The following ADGRE1 variants were observed in gnomAD, a reference collection of about 807,000 sequenced individuals.
ADGRE1 encodes the protein adhesion G protein-coupled receptor E1.
In ADGRE1, 82 loss-of-function variants were observed where a neutral mutation model predicts 102.7. The ratio of observed to expected loss-of-function variants is 0.80; its 90% confidence interval spans 0.67 to 0.96. ADGRE1 has a LOEUF of 0.96. Ranked by LOEUF, ADGRE1 falls within the 40% of genes least tolerant of loss-of-function variation. The probability of loss-of-function intolerance (pLI) is 0.00; values close to 1 mark genes in which losing one functional copy is unlikely to be tolerated. For missense variants in ADGRE1, 1,032 were observed against 1,085.3 expected, an observed-to-expected ratio of 0.95 and a Z score of 0.69; for synonymous variants, 398 against 399.6, an observed-to-expected ratio of 1.00 and a Z score of 0.05.
At chr19:6,936,650 A>G in intron 18 of ADGRE1, among the ~76,000 whole-genome samples, 1 of 144,604 alleles carries the variant, frequency 6.9e-6, no homozygotes, top group East Asian at 2.1e-4. Context: ...TTTGAGACAG[A>G]GTCTCTCTCT....
intron 20 of ADGRE1, 141 bp from the exon 21 acceptor site, chr19:6,939,883 C>T (rs576735486): frequency 3.6e-5 from 36 of 1,004,028 alleles, no homozygotes; most frequent in African/African-American, 9.6e-5. Flanking sequence ...TAGGGACAAT[C>T]GCATTTAACA....
intron 14 of ADGRE1, among the ~76,000 whole-genome samples, chr19:6,922,802 GCTC>G (rs1974726488): frequency 6.6e-6 from 1 of 152,112 alleles, no homozygotes; most frequent in Admixed American, 6.5e-5. Flanking sequence ...CTTTCACCTG[GCTC>G]GGTGGCTCAC....
At chr19:6,923,413 A>G (rs1456102500) in intron 14 of ADGRE1, among the ~76,000 whole-genome samples, 2 of 152,258 alleles carry the variant, frequency 1.3e-5, no homozygotes, top group Non-Finnish European at 2.9e-5. Flanking sequence ...AAACAACTCT[A>G]TAAGGCAATT....
At chr19:6,899,267 G>A (rs1263484400) in intron 5 of ADGRE1, among the ~76,000 whole-genome samples, 3 of 152,184 alleles carry the variant, frequency 2.0e-5, no homozygotes, top group Admixed American at 6.5e-5. Flanking sequence ...GAGAGGTGCT[G>A]TGTATGGCAT....
intron 17 of ADGRE1, among the ~76,000 whole-genome samples, chr19:6,932,837 C>A (rs369872413): frequency 6.6e-6 from 1 of 152,200 alleles, no homozygotes; most frequent in East Asian, 1.9e-4. Context: ...TGATGATGAA[C>A]AAACCATATG....
chr19:6,903,430 C>G (rs1312624338), intron 6 of ADGRE1, among the ~76,000 whole-genome samples: 1 of 152,166 alleles, frequency 6.6e-6, no homozygotes, highest in Non-Finnish European at 1.5e-5. Flanking sequence ...CATAATAATT[C>G]AATATGGATA....
chr19:6,924,908 C>A (rs778347749), intron 15 of ADGRE1, 36 bp downstream of exon 15: 59 of 1,603,220 alleles, frequency 3.7e-5, no homozygotes, highest in Middle Eastern at 3.3e-4. Flanking sequence ...CACCAAGCCC[C>A]ATCTTCTCCC....
chr19:6,921,826 C>G lies in ADGRE1; in HGVS notation c.1734C>G (p.Ile578Met). Residue 578 changes from isoleucine to methionine, a missense_variant, in exon 14 of 21, where the codon ATC becomes ATG. Transcript: ENST00000312053. ...TGGAAGCTTCTGAGACATATACCAT[C>G]TGCAGCTGTAATCAGATGGCAAATC... is the stretch of plus-strand genomic sequence containing the variant. ...VILEASETYT[I>M]CSCNQMANLA... The G allele has an allele frequency of 6.2e-7, 1 of 1,614,156 alleles. No homozygotes were observed. Among genetic ancestry groups the G allele is most frequent in the Non-Finnish European group, 8.5e-7 (1 of 1,180,028 alleles).
chr19:6,913,487 G>T (rs983959442), intron 10 of ADGRE1, among the ~76,000 whole-genome samples, 166 bp from the exon 11 acceptor site: 1 of 152,134 alleles, frequency 6.6e-6, no homozygotes, highest in African/African-American at 2.4e-5. Flanking sequence ...GCCTGAATTT[G>T]TATTTCTGAT....
intron 10 of ADGRE1, among the ~76,000 whole-genome samples, chr19:6,912,204 A>G (rs924516985): frequency 1.3e-5 from 2 of 152,068 alleles, no homozygotes; most frequent in Non-Finnish European, 2.9e-5. Context: ...CCCAACACAT[A>G]CACACATATA....
rs1436139325 is a variant in ADGRE1 at position 6,890,547 on chromosome 19, A to AG, written c.94+5dup. 4 of 1,612,792 alleles carry AG rather than the reference A, an allele frequency of 2.5e-6. No homozygotes were observed. The highest frequency in any genetic ancestry group is 3.4e-6 in the Non-Finnish European group (4 of 1,179,618). ...ACACGGAAACCAAACACAAAGGGTAAGTTGGCCAGAGAGAATGCAGATGCC... is the reference window on the plus strand; with the variant it reads ...ACACGGAAACCAAACACAAAGGGTAAGGTTGGCCAGAGAGAATGCAGATGCC... On this transcript the variant is annotated splice_donor_region_variant and intron_variant, in intron 2 of 20. Transcript: ENST00000312053.
At chr19:6,936,889 C>G (rs1382781031) in intron 18 of ADGRE1, among the ~76,000 whole-genome samples, 1 of 152,170 alleles carries the variant, frequency 6.6e-6, no homozygotes, top group Non-Finnish European at 1.5e-5. Context: ...TCCCAAAGTG[C>G]TGGGATTACA....
At position 6,904,091 on chromosome 19, in the gene ADGRE1, C is replaced by A; in HGVS notation, c.858C>A (p.Thr286=). The A allele has an allele frequency of 6.2e-7, 1 of 1,614,220 alleles. No homozygotes were observed. The highest frequency in any genetic ancestry group is 8.5e-7 in the Non-Finnish European group (1 of 1,180,040). ...CCTGTGGTCCTAATTCTATCTGCAC[C>A]AATGCCCTGGGCTCCTACAGCTGTG... The part of the protein sequence containing the change: ...PSTCGPNSIC[T]NALGSYSCGC... Residue 286 remains threonine (T), a synonymous_variant, in exon 8 of 21, where the codon ACC becomes ACA. Transcript: ENST00000312053.
chr19:6,928,939 CAAA>C (rs61017298), intron 17 of ADGRE1, among the ~76,000 whole-genome samples: 2 of 131,934 alleles, frequency 1.5e-5, no homozygotes, highest in Non-Finnish European at 3.4e-5. Flanking sequence ...AACTCCATCT[CAAA>C]AAAAAAAAAA....
chr19:6,926,374 C>T lies in ADGRE1; in HGVS notation c.1995C>T (p.Cys665=), dbSNP rs768658538. The change falls in exon 16 of 21, where the codon TGC becomes TGT. Residue 665 remains cysteine (C), a synonymous_variant. Coordinates refer to ENST00000312053, the MANE Select transcript of ADGRE1 (RefSeq NM_001974.5). ...GIHKTDNKMG[C]AIIAGFLHYL... is the part of the protein sequence containing the mutation. Reference sequence around the variant, plus strand: ...ATGCTTCTCCCCTCCAGATGGGCTGCGCCATCATCGCGGGCTTCCTGCACT... The same window carrying T: ...ATGCTTCTCCCCTCCAGATGGGCTGTGCCATCATCGCGGGCTTCCTGCACT... 4.3e-6 allele frequency: 7 copies of T among 1,613,858 alleles called. No individual in the cohort carries two copies. The highest frequency in any genetic ancestry group is 3.3e-5 in the Admixed American group (2 of 59,998).
At chr19:6,898,584 A>C in intron 5 of ADGRE1, 1 of 1,490,938 alleles carries the variant, frequency 6.7e-7, no homozygotes. Context: ...ACTGCTTTGC[A>C]AATATCAGTG....
rs1470431424 is a variant in ADGRE1, at chr19:6,940,352, G to T, written c.*323G>T. 6.5e-6 allele frequency: 3 copies of T among 458,968 alleles called. No individual in the cohort carries two copies. Among genetic ancestry groups the T allele is most frequent in the Non-Finnish European group, 7.9e-6 (2 of 251,842 alleles). The allele number at this position is 458,968 out of a possible 1,614,324, so 28.4% of individuals were successfully genotyped here. ...ATTTTGTTTTCTCCTGCCCTTGTTG[G>T]TGCATGGTTCTAAGCATGCCCCTCC... On this transcript the variant is annotated 3_prime_UTR_variant, in exon 21 of 21. Coordinates refer to ENST00000312053, the MANE Select transcript of ADGRE1 (RefSeq NM_001974.5).
At chr19:6,900,278 C>A (rs1195347953) in intron 5 of ADGRE1, among the ~76,000 whole-genome samples, 1 of 148,360 alleles carries the variant, frequency 6.7e-6, no homozygotes, top group East Asian at 2.0e-4. Flanking sequence ...AGTTTGAGAC[C>A]AGCCTGGGCA....
intron 10 of ADGRE1, among the ~76,000 whole-genome samples, chr19:6,913,146 C>A (rs1025531147): frequency 3.9e-5 from 6 of 152,056 alleles, no homozygotes; most frequent in African/African-American, 1.4e-4. Flanking sequence ...GTTGTCCAGG[C>A]TGGTCTTGAA....
Sources: gnomAD v4.1 joint callset for allele counts (sites outside exome capture counted in the v4.1 genomes callset) on GRCh38, gnomAD v4.1.1 for gene constraint, MANE v1.5 for transcripts, NCBI Gene and HGNC (gene_info 2026-07-23, HGNC 2026-07-21) for gene names.